RB1CC1: variants seen among roughly 807,000 people sequenced by gnomAD.
RB1CC1 encodes RB1 inducible coiled-coil 1.
Under a neutral mutation model 177.5 loss-of-function variants are expected in RB1CC1, and 46 were observed. The ratio of observed to expected loss-of-function variants is 0.26; its 90% CI spans 0.20 to 0.33. RB1CC1 has a LOEUF of 0.33. Ranked by LOEUF, RB1CC1 falls within the 10% of genes least tolerant of loss-of-function variation. RB1CC1 has a pLI of 1.00. For missense variants in RB1CC1, 1,703 were observed against 1,816.3 expected (o/e 0.94, Z 1.13); for synonymous variants, 666 against 613.6 (o/e 1.09, Z -1.26).
At chr8:52,707,741 CTCTT>C (rs1370022848) in intron 1 of RB1CC1, among the ~76,000 whole-genome samples, 3 of 152,202 alleles carry the variant, frequency 2.0e-5, no homozygotes, top group Admixed American at 1.3e-4. Context: ...CAGCTACACT[CTCTT>C]TGTCACCTCC....
At position 52,685,515 on chromosome 8, in the gene RB1CC1, C is replaced by T. The variant is rs780531062; in HGVS notation, c.-46G>A. The stretch of plus-strand genomic sequence containing the variant: ...TGAGCTTATACCTCACCCTCTGATA[C>T]AGTTACTAGAAGAAACAAGAGAAGT... On this transcript the variant is annotated 5_prime_UTR_variant, in exon 3 of 24. Coordinates refer to ENST00000025008, the MANE Select transcript of RB1CC1 (RefSeq NM_014781.5). 5 of 1,183,714 alleles carry T rather than the reference C, an allele frequency of 4.2e-6. 1 individual carries two copies. Among genetic ancestry groups the T allele is most frequent in the South Asian group, 2.6e-5 (2 of 76,188 alleles). 73.3% of individuals were successfully genotyped at this position (1,183,714 alleles called of 1,614,324 possible).
chr8:52,670,363 T>C (rs925844641), intron 7 of RB1CC1, among the ~76,000 whole-genome samples: 18 of 152,364 alleles, frequency 1.2e-4, no homozygotes, highest in African/African-American at 4.3e-4. Flanking sequence ...TTAGCCAATT[T>C]TCAATAATTA....
intron 5 of RB1CC1, among the ~76,000 whole-genome samples, chr8:52,681,484 G>A (rs541356747): frequency 6.6e-6 from 1 of 152,242 alleles, no homozygotes; most frequent in East Asian, 1.9e-4. Flanking sequence ...TCTGACTTTA[G>A]AGACCACATC....
chr8:52,666,171 T>TA (rs201053107), intron 8 of RB1CC1, among the ~76,000 whole-genome samples: 4,443 of 149,890 alleles, frequency 0.03, 108 homozygotes, highest in Non-Finnish European at 0.045. Flanking sequence ...TTTTTCTTAT[T>TA]AAAAAAAAAA....
At chr8:52,666,378 C>T (rs1038969573) in intron 8 of RB1CC1, among the ~76,000 whole-genome samples, 1 of 151,938 alleles carries the variant, frequency 6.6e-6, no homozygotes, top group Non-Finnish European at 1.5e-5. Flanking sequence ...ATTAACCAGG[C>T]GTGGTGGTGC....
chr8:52,663,762 G>C (rs539381625), intron 8 of RB1CC1, among the ~76,000 whole-genome samples: 3 of 152,226 alleles, frequency 2.0e-5, no homozygotes, highest in East Asian at 3.9e-4. Context: ...CCAAAGACTA[G>C]ATAGAATTGT....
At chr8:52,663,293 G>T (rs1216745819) in intron 8 of RB1CC1, among the ~76,000 whole-genome samples, 4 of 151,866 alleles carry the variant, frequency 2.6e-5, no homozygotes, top group Non-Finnish European at 4.4e-5. Context: ...GGATACGAAT[G>T]GCTAGAGAAT....
intron 3 of RB1CC1, among the ~76,000 whole-genome samples, chr8:52,684,223 T>C (rs764701571): frequency 2.6e-5 from 4 of 152,150 alleles, no homozygotes; most frequent in Non-Finnish European, 5.9e-5. Flanking sequence ...CAAAAGAATA[T>C]GCTCAAACTG....
At chr8:52,710,809 A>C (rs1043442193) in intron 1 of RB1CC1, among the ~76,000 whole-genome samples, 11 of 152,198 alleles carry the variant, frequency 7.2e-5, no homozygotes, top group Non-Finnish European at 7.3e-5. Context: ...ATTATCTATA[A>C]ACATATAACC....
chr8:52,656,374 T>C lies in RB1CC1; in HGVS notation c.3455A>G (p.Lys1152Arg). The change falls in exon 15 of 24, where the codon AAA (lysine) becomes AGA (arginine). Residue 1152 changes from lysine to arginine, a missense_variant. By Grantham distance (26) the Lys-to-Arg change is conservative (BLOSUM62 2). This residue lies in a region of RB1CC1 where 1,169 missense variants were observed against 1,184.7 expected (regional missense o/e 0.99). Coordinates refer to ENST00000025008, the MANE Select transcript of RB1CC1 (RefSeq NM_014781.5). ...SRHEEESNIL[K>R]AELNKVTSLH... ...AGATGTTACTTTGTTTAATTCAGCTTTAAGTATATTAGATTCTTCTTCATG... is the reference window on the plus strand; with the variant it reads ...AGATGTTACTTTGTTTAATTCAGCTCTAAGTATATTAGATTCTTCTTCATG... 6.2e-7 allele frequency: 1 copy of C among 1,611,024 alleles called. No individual in the cohort carries two copies. The highest frequency in any genetic ancestry group is 8.5e-7 in the Non-Finnish European group (1 of 1,179,214).
intron 8 of RB1CC1, 85 bp from the exon 9 acceptor site, chr8:52,661,804 T>G: frequency 9.6e-7 from 1 of 1,039,496 alleles, no homozygotes; most frequent in South Asian, 2.3e-5. Context: ...ATCTTTATGT[T>G]AAACACAACC....
In RB1CC1 at chr8:52,642,602, C is replaced by T. The variant is rs770753990; in HGVS notation, c.4097-11G>A. 1.3e-5 allele frequency: 21 copies of T among 1,608,434 alleles called. No homozygotes were observed. The highest frequency in any genetic ancestry group is 1.2e-4 in the African/African-American group (9 of 74,442). Reference sequence around the variant, plus strand: ...GTGACTCTATCAAATCTGAAGGACACCCAAATTTAAAAAAGTATCATGTAA... The same window carrying T: ...GTGACTCTATCAAATCTGAAGGACATCCAAATTTAAAAAAGTATCATGTAA... On this transcript the variant is annotated splice_polypyrimidine_tract_variant and intron_variant, in intron 17 of 23. Transcript: ENST00000025008.
At chr8:52,708,862 T>C (rs1856821104) in intron 1 of RB1CC1, among the ~76,000 whole-genome samples, 1 of 152,188 alleles carries the variant, frequency 6.6e-6, no homozygotes, top group African/African-American at 2.4e-5. Flanking sequence ...GAGGGAGAAT[T>C]GCTAATAACT....
chr8:52,655,046 C>G (rs1018278365), intron 15 of RB1CC1, among the ~76,000 whole-genome samples: 1 of 152,160 alleles, frequency 6.6e-6, no homozygotes, highest in Non-Finnish European at 1.5e-5. Flanking sequence ...CTTTGACAAG[C>G]TCTCCTGGCC....
intron 5 of RB1CC1, among the ~76,000 whole-genome samples, chr8:52,681,752 G>A (rs548652813): frequency 2.0e-5 from 3 of 152,330 alleles, no homozygotes; most frequent in East Asian, 3.9e-4. Context: ...GCAACGCAGT[G>A]AGATCCTGTC....
intron 1 of RB1CC1, among the ~76,000 whole-genome samples, chr8:52,711,685 A>C (rs941891345): frequency 3.3e-5 from 5 of 152,242 alleles, no homozygotes; most frequent in African/African-American, 1.2e-4. Flanking sequence ...GGTTTACTTG[A>C]ATTCATCTGT....
intron 1 of RB1CC1, among the ~76,000 whole-genome samples, chr8:52,709,558 G>A (rs1407541144): frequency 6.6e-6 from 1 of 152,098 alleles, no homozygotes; most frequent in Non-Finnish European, 1.5e-5. Flanking sequence ...GGGAAACATG[G>A]TGAAACCCCG....
intron 20 of RB1CC1, among the ~76,000 whole-genome samples, chr8:52,634,486 A>G (rs1466461267): frequency 6.6e-6 from 1 of 151,956 alleles, no homozygotes; most frequent in African/African-American, 2.4e-5. Context: ...AGATCACACC[A>G]CTCCAGCCTA....
At chr8:52,713,322 A>G (rs957281661) in intron 1 of RB1CC1, among the ~76,000 whole-genome samples, 3 of 152,222 alleles carry the variant, frequency 2.0e-5, no homozygotes, top group African/African-American at 7.2e-5. Context: ...TTACGAAACC[A>G]TAAACAGTAA....
Sources: allele counts gnomAD v4.1 joint callset (sites outside exome capture counted in the v4.1 genomes callset), GRCh38; gene constraint gnomAD v4.1.1; regional missense constraint gnomAD v4.1.1; transcripts MANE v1.5; gene names NCBI Gene and HGNC (gene_info 2026-07-23, HGNC 2026-07-21).